TIMELESS: variants seen among roughly 807,000 people sequenced by gnomAD.
The protein encoded by TIMELESS is timeless circadian regulator.
TIMELESS carries 124 observed loss-of-function variants against 164.3 expected under a neutral mutation model. The ratio of observed to expected loss-of-function variants is 0.75; its 90% CI spans 0.65 to 0.88. The LOEUF (loss-of-function observed/expected upper bound fraction) is 0.88, where lower values mean the gene tolerates loss of function less well. Ranked by LOEUF, TIMELESS falls within the 40% of genes least tolerant of loss-of-function variation. TIMELESS has a pLI of 0.00. For synonymous variants in TIMELESS, 564 were observed against 563.4 expected (o/e 1.00, Z -0.02); for missense variants, 1,422 against 1,491.4 (o/e 0.95, Z 0.77).
intron 22 of TIMELESS, 90 bp from the exon 23 acceptor site, chr12:56,421,583 A>G (rs1881491924): frequency 1.3e-6 from 2 of 1,538,230 alleles, no homozygotes; most frequent in South Asian, 1.2e-5. Context: ...GGGTACCTCA[A>G]TTCATCCAAA....
rs1397758739 is a variant in TIMELESS at position 56,434,077 on chromosome 12, A to C, written c.94T>G (p.Leu32Val). 1 of 1,614,110 alleles carries C rather than the reference A, an allele frequency of 6.2e-7. No homozygotes were observed. The highest frequency in any genetic ancestry group is 1.1e-5 in the South Asian group (1 of 91,086). Residue 32 changes from leucine to valine, a missense_variant, in exon 2 of 29, where the codon TTA becomes GTA. Physicochemically the swap from Leu to Val is conservative, Grantham distance 32. Transcript: ENST00000553532. ...GTTTCATCAAAAAGGTACTCACCTA[A>C]GCAATCTGGTTCCTTATGGTAAGTG... ...GDTYHKEPDCLESVKDLIRYL... is the reference protein window; with the variant it reads ...GDTYHKEPDCVESVKDLIRYL...
intron 21 of TIMELESS, 39 bp from the exon 22 acceptor site, chr12:56,421,848 A>G: frequency 6.2e-7 from 1 of 1,612,982 alleles, no homozygotes; most frequent in Non-Finnish European, 8.5e-7. Flanking sequence ...AAGCCCAGGA[A>G]GTGATCACGA....
chr12:56,429,107 T>C lies in TIMELESS; in HGVS notation c.1087-7A>G, dbSNP rs972736373. 1.7e-5 allele frequency: 28 copies of C among 1,607,608 alleles called. No homozygotes were observed. Among genetic ancestry groups the C allele is most frequent in the Non-Finnish European group, 2.4e-5 (28 of 1,178,348 alleles). ...TCTCCCGAAGCAGGTGATCCTGACA[T>C]TTAAAAAAGAAAAAAAAAGATCACC... On this transcript the variant is annotated splice_region_variant and splice_polypyrimidine_tract_variant and intron_variant, in intron 10 of 28. Transcript: ENST00000553532.
intron 10 of TIMELESS, 103 bp from the exon 11 acceptor site, chr12:56,429,203 A>T: frequency 6.5e-6 from 6 of 925,398 alleles, no homozygotes; most frequent in Non-Finnish European, 9.1e-6. Flanking sequence ...CACCGTCATA[A>T]TTTTTTTTTT....
In TIMELESS at chr12:56,420,579, G is replaced by C. The variant is rs927324489; in HGVS notation, c.3218C>G (p.Ala1073Gly). 3.1e-6 allele frequency: 5 copies of C among 1,614,034 alleles called. No homozygotes were observed. Among genetic ancestry groups the C allele is most frequent in the Non-Finnish European group, 4.2e-6 (5 of 1,179,992 alleles). Reference sequence around the variant, plus strand: ...AACTGACATATTTACCTGCCCAGAGGCAGGGGGCCGAACCCCTAGCTTGCG... The same window carrying C: ...AACTGACATATTTACCTGCCCAGAGCCAGGGGGCCGAACCCCTAGCTTGCG... Reference protein sequence around the residue: ...LLRKLGVRPPASGQETFWRIP... With the variant: ...LLRKLGVRPPGSGQETFWRIP... Residue 1073 changes from alanine (A) to glycine (G), a missense_variant, in exon 26 of 29, where the codon GCC becomes GGC. Transcript: ENST00000553532.
rs533203557 is a variant in TIMELESS, at chr12:56,435,827, C to T, written c.-61-1596G>A. Among the ~76,000 whole-genome samples, 17 of 152,094 alleles carry T rather than the reference C, an allele frequency of 1.1e-4. No individual in the cohort carries two copies. In the South Asian group the frequency reaches 2.3e-3, roughly 20 times the overall value. On this transcript the variant is annotated intron_variant, in intron 1 of 28. Coordinates refer to ENST00000553532, the MANE Select transcript of TIMELESS (RefSeq NM_003920.5). ...ACAAAAAATTAGCCAGGCGCGATGG[C>T]GGGCGCCTGTAATCCCAGCTACTCA...
Position 56,421,816 on chromosome 12 carries a change from AG to A in TIMELESS, c.2643-8del, listed in dbSNP as rs757034627. On this transcript the variant is annotated splice_region_variant and splice_polypyrimidine_tract_variant and intron_variant, in intron 21 of 28. Transcript: ENST00000553532. ...TACAATATGGGTTCCTTTCCTGATT[AG>A]GAAGGTGTCAGTGGAAGAGGAAGCC... 4 of 1,614,000 alleles carry A rather than the reference AG, an allele frequency of 2.5e-6. No homozygotes were observed. Among genetic ancestry groups the A allele is most frequent in the Non-Finnish European group, 3.4e-6 (4 of 1,179,994 alleles).
chr12:56,421,834 G>A, intron 21 of TIMELESS, 25 bp from the exon 22 acceptor site: 1 of 1,613,904 alleles, frequency 6.2e-7, no homozygotes, highest in Non-Finnish European at 8.5e-7. Flanking sequence ...GTCAGTGGAA[G>A]AGGAAGCCCA....
intron 14 of TIMELESS, 50 bp from the exon 15 acceptor site, chr12:56,424,963 G>T (rs915539249): frequency 6.2e-7 from 1 of 1,613,914 alleles, no homozygotes; most frequent in Non-Finnish European, 8.5e-7. Flanking sequence ...AACCCAGATT[G>T]TATACCCTGA....
At chr12:56,448,802 G>A (rs762869069) in intron 1 of TIMELESS, among the ~76,000 whole-genome samples, 4 of 152,208 alleles carry the variant, frequency 2.6e-5, no homozygotes, top group African/African-American at 4.8e-5. Flanking sequence ...AGAGGCTCAA[G>A]GAAAAAAGCT....
chr12:56,429,747 C>T (rs971558355), intron 10 of TIMELESS, among the ~76,000 whole-genome samples: 1 of 150,212 alleles, frequency 6.7e-6, no homozygotes, highest in African/African-American at 2.5e-5. Flanking sequence ...GAACTCCTGA[C>T]CTCAAGTGAT....
At chr12:56,419,429 T>C (rs1881379429) in intron 26 of TIMELESS, among the ~76,000 whole-genome samples, 2 of 150,464 alleles carry the variant, frequency 1.3e-5, no homozygotes, top group South Asian at 2.1e-4. Flanking sequence ...TCTTGAAGAC[T>C]GGGTAGAGGT....
intron 1 of TIMELESS, among the ~76,000 whole-genome samples, chr12:56,442,101 A>AACT (rs1868283412): frequency 1.6e-5 from 2 of 126,362 alleles, no homozygotes; most frequent in Non-Finnish European, 3.8e-5. Flanking sequence ...AAAAAAAAAA[A>AACT]AGAAATGTAG....
chr12:56,418,432 T>TC, intron 26 of TIMELESS, 73 bp from the exon 27 acceptor site: 1 of 1,111,722 alleles, frequency 9.0e-7, no homozygotes, highest in Non-Finnish European at 1.3e-6. Flanking sequence ...TCATTGAATA[T>TC]ATATGACCCA....
intron 26 of TIMELESS, among the ~76,000 whole-genome samples, chr12:56,420,029 A>AAAAAATAT (rs1555176447): frequency 2.9e-4 from 22 of 75,160 alleles, no homozygotes; most frequent in South Asian, 2.1e-3. Context: ...AAAAAAAAAA[A>AAAAAATAT]ATATATATAT....
rs375681234 is a variant in TIMELESS at position 56,429,088 on chromosome 12, G to A, written c.1099C>T (p.Arg367Trp). ...LMGSVKDHLLREKAQQHDETY... is the reference protein window; with the variant it reads ...LMGSVKDHLLWEKAQQHDETY... ...TCATCATGCTGCTGAGCTTTCTCCC[G>A]AAGCAGGTGATCCTGACATTTAAAA... Residue 367 changes from arginine (R) to tryptophan (W), a missense_variant, in exon 11 of 29, where the codon CGG (arginine) becomes TGG (tryptophan). Arg to Trp is a moderately radical substitution (Grantham distance 101, BLOSUM62 -3). Transcript: ENST00000553532. 26 of 1,613,328 alleles carry A rather than the reference G, an allele frequency of 1.6e-5. No homozygotes were observed. The highest frequency in any genetic ancestry group is 6.7e-5 in the African/African-American group (5 of 74,942).
chr12:56,429,765 C>T (rs1251111897), intron 10 of TIMELESS, among the ~76,000 whole-genome samples: 1 of 151,382 alleles, frequency 6.6e-6, no homozygotes, highest in Non-Finnish European at 1.5e-5. Flanking sequence ...GATCCACTGC[C>T]TCAGCCTCTC....
chr12:56,436,373 T>C (rs946265096), intron 1 of TIMELESS, among the ~76,000 whole-genome samples: 9 of 151,618 alleles, frequency 5.9e-5, no homozygotes, highest in Non-Finnish European at 8.8e-5. Context: ...AGAATCGCTT[T>C]AACCCGGGAG....
Position 56,431,588 on chromosome 12 carries a change from G to T in TIMELESS, c.704C>A (p.Ala235Glu), listed in dbSNP as rs758113731. ...AGCTAAGCGTCCCTGCCCTACTCCC[G>T]CCAGCTGCTCGGGGTTCTAGATTGG... ...MFRDQNPEQL[A>E]GVGQGRLAQE... Residue 235 changes from alanine to glutamate, a missense_variant, in exon 8 of 29, where the codon GCG becomes GAG. Ala to Glu is a moderately radical substitution (Grantham distance 107). Transcript: ENST00000553532. 6.8e-6 allele frequency: 11 copies of T among 1,612,178 alleles called. No individual in the cohort carries two copies. In the African/African-American group the frequency reaches 9.4e-5, roughly 14 times the overall value.
Sources: allele counts gnomAD v4.1 joint callset (sites outside exome capture counted in the v4.1 genomes callset), GRCh38; gene constraint gnomAD v4.1.1; transcripts MANE v1.5; gene names NCBI Gene and HGNC (gene_info 2026-07-23, HGNC 2026-07-21).